Variants in PAK2 observed in about 807,000 individuals in gnomAD.
PAK2 encodes the protein serine/threonine-protein kinase PAK 2.
Under a neutral mutation model 65.9 loss-of-function variants are expected in PAK2, and 21 were observed. The observed-to-expected ratio is 0.32, with a 90% CI of 0.23 to 0.46. The LOEUF (loss-of-function observed/expected upper bound fraction) is 0.46. Ranked by LOEUF, PAK2 falls within the 20% of genes least tolerant of loss-of-function variation. The pLI, the probability that PAK2 is intolerant of heterozygous loss-of-function variation, is 1.00. For missense variants in PAK2, 324 were observed against 642.6 expected (o/e 0.50, Z 5.36); for synonymous variants, 204 against 219.7 (o/e 0.93, Z 0.63).
Position 196,794,315 on chromosome 3 carries a change from A to G in PAK2, c.188-7612A>G, listed in dbSNP as rs1181117960. On this transcript the variant is annotated intron_variant, in intron 2 of 14. Coordinates refer to ENST00000327134, the MANE Select transcript of PAK2 (RefSeq NM_002577.4). Reference sequence around the variant, plus strand: ...GCTTCACTCACTCTGCCCTGCCACCACAGAAAACCAAGAACATACAGCACT... The same window carrying G: ...GCTTCACTCACTCTGCCCTGCCACCGCAGAAAACCAAGAACATACAGCACT... Among the ~76,000 whole-genome samples the G allele has an allele frequency of 2.0e-5, 3 of 152,202 alleles. No homozygotes were observed. In the South Asian group the frequency reaches 6.2e-4, roughly 32 times the overall value.
At chr3:196,755,258 A>G (rs948215513) in intron 1 of PAK2, among the ~76,000 whole-genome samples, 1 of 152,112 alleles carries the variant, frequency 6.6e-6, no homozygotes, top group Admixed American at 6.6e-5. Flanking sequence ...CCTCAGATTG[A>G]TAGATTTTCA....
intron 1 of PAK2, among the ~76,000 whole-genome samples, chr3:196,755,615 C>T (rs1224209862): frequency 2.0e-5 from 3 of 151,964 alleles, no homozygotes; most frequent in African/African-American, 7.3e-5. Flanking sequence ...TGTGCCACCA[C>T]GCCTGGCTAA....
Position 196,800,360 on chromosome 3 carries a change from C to T in PAK2, c.188-1567C>T, listed in dbSNP as rs147492205. ...TCACGCCACTGCACTCCAGCCTGGG[C>T]GACAGAATGAGACTCCCTGTTAAAA... On this transcript the variant is annotated intron_variant, in intron 2 of 14. Coordinates refer to ENST00000327134, the MANE Select transcript of PAK2 (RefSeq NM_002577.4). Among the ~76,000 whole-genome samples the T allele has an allele frequency of 7.2e-3, 1,090 of 151,942 alleles. 13 individuals are homozygous for T. Among genetic ancestry groups the T allele is most frequent in the African/African-American group, 0.024 (996 of 41,406 alleles).
chr3:196,762,311 C>T (rs1175494097), intron 1 of PAK2, among the ~76,000 whole-genome samples: 11 of 134,194 alleles, frequency 8.2e-5, no homozygotes, highest in Non-Finnish European at 1.7e-4. Flanking sequence ...CGGGCAGAGG[C>T]TGCAATCTCG....
chr3:196,802,920 G>A lies in PAK2; in HGVS notation c.289-97G>A, dbSNP rs946147460. The A allele has an allele frequency of 8.3e-5, 60 of 720,616 alleles. No homozygotes were observed. The African/African-American group carries it at 1.1e-3, about 13-fold the overall frequency. The allele number at this position is 720,616 out of a possible 1,614,324, so 44.6% of individuals were successfully genotyped here. ...AATTTACTCAAACCTACACTCAAAA[G>A]ATTGGTTTGTTTTGTGTATTTTGTC... On this transcript the variant is annotated intron_variant, in intron 3 of 14. Transcript: ENST00000327134.
At position 196,812,266 on chromosome 3, in the gene PAK2, A is replaced by T; in HGVS notation, c.821A>T (p.Glu274Val). 3 of 1,566,800 alleles carry T rather than the reference A, an allele frequency of 1.9e-6. No homozygotes were observed. The highest frequency in any genetic ancestry group is 2.6e-6 in the Non-Finnish European group (3 of 1,137,278). ...FTATDVALGQ[E>V]VAIKQINLQK... ...GCTACTGACGTTGCACTGGGACAGG[A>T]GGTAGTTACTTTGTTGTAATCCTGG... is the stretch of plus-strand genomic sequence containing the variant. Residue 274 changes from glutamate (E) to valine (V), a missense_variant and splice_region_variant, in exon 9 of 15, where the codon GAG (glutamate) becomes GTG (valine). Physicochemically the swap from Glu to Val is moderately radical, Grantham distance 121. Around this residue, in one of 5 missense-constraint regions of PAK2, gnomAD observed 183 missense variants for 246.2 expected, o/e 0.74. Coordinates refer to ENST00000327134, the MANE Select transcript of PAK2 (RefSeq NM_002577.4).
At chr3:196,751,885 G>C (rs971894738) in intron 1 of PAK2, among the ~76,000 whole-genome samples, 6 of 150,378 alleles carry the variant, frequency 4.0e-5, no homozygotes, top group Non-Finnish European at 8.9e-5. Flanking sequence ...TGGGATTACA[G>C]GCGCATGCCA....
chr3:196,741,272 A>G (rs1684471), intron 1 of PAK2, among the ~76,000 whole-genome samples: 106,936 of 152,022 alleles, frequency 0.7, 37,728 homozygotes, highest in African/African-American at 0.71. Flanking sequence ...TGCTCTGGGG[A>G]TTTTGTTTTT....
At chr3:196,743,178 C>G (rs1470770095) in intron 1 of PAK2, among the ~76,000 whole-genome samples, 1 of 152,208 alleles carries the variant, frequency 6.6e-6, no homozygotes, top group Non-Finnish European at 1.5e-5. Flanking sequence ...AGTTTCATCA[C>G]TTCTTCCCTT....
At chr3:196,776,685 G>A (rs1366108613) in intron 1 of PAK2, among the ~76,000 whole-genome samples, 3 of 152,168 alleles carry the variant, frequency 2.0e-5, no homozygotes, top group Non-Finnish European at 2.9e-5. Context: ...AACATTGGGA[G>A]TATCTTCAAA....
At chr3:196,798,372 CTT>C (rs1228921933) in intron 2 of PAK2, among the ~76,000 whole-genome samples, 1 of 149,288 alleles carries the variant, frequency 6.7e-6, no homozygotes, top group Non-Finnish European at 1.5e-5. Context: ...GAGAAGGAGT[CTT>C]GCTTTGTTGC....
intron 4 of PAK2, among the ~76,000 whole-genome samples, chr3:196,805,066 T>C (rs1276515836): frequency 6.6e-6 from 1 of 152,102 alleles, no homozygotes; most frequent in African/African-American, 2.4e-5. Context: ...AACTAAATTT[T>C]GATAGCTTTA....
chr3:196,769,522 C>T lies in PAK2; in HGVS notation c.-21-13104C>T, dbSNP rs569808682. Among the ~76,000 whole-genome samples the T allele has an allele frequency of 9.9e-5, 15 of 151,830 alleles. No individual in the cohort carries two copies. The South Asian group carries it at 1.2e-3, about 13-fold the overall frequency. ...TTTTCATCATCCCAAGCAGCAATTCCGCATCCCGGCCAGGCGTGGTGGCTC... is the reference window on the plus strand; with the variant it reads ...TTTTCATCATCCCAAGCAGCAATTCTGCATCCCGGCCAGGCGTGGTGGCTC... On this transcript the variant is annotated intron_variant, in intron 1 of 14. Transcript: ENST00000327134.
At chr3:196,797,765 T>A (rs975114191) in intron 2 of PAK2, among the ~76,000 whole-genome samples, 7 of 151,528 alleles carry the variant, frequency 4.6e-5, no homozygotes, top group African/African-American at 1.5e-4. Flanking sequence ...AAAAATAAAA[T>A]AAATAAAGGA....
Position 196,812,150 on chromosome 3 carries a change from A to G in PAK2, c.774-69A>G, listed in dbSNP as rs1715849232. The G allele has an allele frequency of 3.4e-6, 3 of 872,754 alleles. No individual in the cohort carries two copies. The South Asian group carries it at 4.0e-5, about 12-fold the overall frequency. The allele number at this position is 872,754 out of a possible 1,614,324, so 54.1% of individuals were successfully genotyped here. On this transcript the variant is annotated intron_variant, in intron 8 of 14. Transcript: ENST00000327134. ...TCTTTTTCAATTGCTTGAAGTGTAA[A>G]GTCTTTGGATATTGCAAATGCTAGT...
At position 196,791,901 on chromosome 3, in the gene PAK2, G is replaced by A. The variant is rs887210449; in HGVS notation, c.187+9068G>A. 6.6e-6 allele frequency among the ~76,000 whole-genome samples: 1 copy of A among 151,414 alleles called. No homozygotes were observed. Among genetic ancestry groups the A allele is most frequent in the African/African-American group, 2.4e-5 (1 of 41,154 alleles). On this transcript the variant is annotated intron_variant, in intron 2 of 14. Coordinates refer to ENST00000327134, the MANE Select transcript of PAK2 (RefSeq NM_002577.4). The surrounding 1 kb of genome is among the most constrained non-coding windows in gnomAD (Gnocchi z 4.0). ...GATCGCGCCACCGCACTCCAACCTG[G>A]GCGACAGAGCGAGACTCCGTCAAAA...
intron 1 of PAK2, among the ~76,000 whole-genome samples, chr3:196,775,668 A>T (rs1222788827): frequency 6.6e-6 from 1 of 152,208 alleles, no homozygotes; most frequent in Non-Finnish European, 1.5e-5. Flanking sequence ...GGCGTGAGCC[A>T]CCGAAGGATA....
At chr3:196,776,884 G>A (rs1714553933) in intron 1 of PAK2, among the ~76,000 whole-genome samples, 1 of 152,166 alleles carries the variant, frequency 6.6e-6, no homozygotes, top group African/African-American at 2.4e-5. Context: ...TAATACCAAA[G>A]AAGAAAATCC....
chr3:196,744,845 C>T (rs1713320131), intron 1 of PAK2, among the ~76,000 whole-genome samples: 1 of 152,044 alleles, frequency 6.6e-6, no homozygotes, highest in Non-Finnish European at 1.5e-5. Flanking sequence ...CCTTAATGAA[C>T]TTATACGTAT....
Sources: allele counts gnomAD v4.1 joint callset (sites outside exome capture counted in the v4.1 genomes callset), GRCh38; gene constraint gnomAD v4.1.1; regional missense constraint gnomAD v4.1.1; non-coding constraint Gnocchi (gnomAD v3.1); transcripts MANE v1.5; gene names NCBI Gene and HGNC (gene_info 2026-07-23, HGNC 2026-07-21).